PDZD7: variants seen among roughly 807,000 people sequenced by gnomAD.
PDZD7 encodes the protein PDZ domain-containing protein 7.
In PDZD7, 72 loss-of-function variants were observed where a neutral mutation model predicts 84.7. The observed-to-expected ratio is 0.85, with a 90% CI of 0.70 to 1.03. PDZD7 has a LOEUF of 1.03. Among genes scored for constraint, PDZD7 ranks in the 50% least tolerant of loss-of-function variants. The probability of loss-of-function intolerance (pLI) is 0.00; values close to 1 mark genes in which losing one functional copy is unlikely to be tolerated. For missense variants in PDZD7, 1,490 were observed against 1,412.9 expected (o/e 1.05, Z -0.87); for synonymous variants, 594 against 580.7 (o/e 1.02, Z -0.33).
At chr10:101,027,132 C>T (rs745947907) in intron 2 of PDZD7, among the ~76,000 whole-genome samples, 9 of 152,220 alleles carry the variant, frequency 5.9e-5, no homozygotes, top group Non-Finnish European at 1.0e-4. Flanking sequence ...TCAGCTTTTA[C>T]ATTAGCTCAT....
chr10:101,021,669 G>A lies in PDZD7; in HGVS notation c.867+129C>T, dbSNP rs12161714. 5.0e-6 allele frequency: 7 copies of A among 1,411,536 alleles called. No individual in the cohort carries two copies. In the South Asian group the frequency reaches 8.1e-5, roughly 16 times the overall value. 87.4% of individuals were successfully genotyped at this position (1,411,536 alleles called of 1,614,324 possible). A position where few individuals can be genotyped will look rare whatever the true frequency, so the allele number is the denominator to read the frequency against. ...TTCTTCTTCTTCAAAACAGGGATGA[G>A]AACAATGCCTGTCTACCTTCTAGTG... On this transcript the variant is annotated intron_variant, in intron 6 of 16. Transcript: ENST00000619208.
At position 101,010,481 on chromosome 10, in the gene PDZD7, G is replaced by A. The variant is rs895208304; in HGVS notation, c.2408C>T (p.Pro803Leu). The change falls in exon 15 of 17, where the codon CCT becomes CTT. Residue 803 changes from proline to leucine, a missense_variant. Physicochemically the swap from Pro to Leu is moderately conservative, Grantham distance 98 (BLOSUM62 -3). Transcript: ENST00000619208. ...GCGCCCATTGGTCATGCTGGGGGCA[G>A]GGGTAGGCACCGGGGATGGGGAGCG... Reference protein sequence around the residue: ...GRRSPSPVPTPAPSMTNGRYH... With the variant: ...GRRSPSPVPTLAPSMTNGRYH... The A allele has an allele frequency of 3.3e-6, 5 of 1,535,286 alleles. No homozygotes were observed. The highest frequency in any genetic ancestry group is 4.4e-6 in the Non-Finnish European group (5 of 1,146,354).
At chr10:101,028,368 A>G (rs1937843710) in intron 2 of PDZD7, among the ~76,000 whole-genome samples, 1 of 152,210 alleles carries the variant, frequency 6.6e-6, no homozygotes, top group East Asian at 1.9e-4. Flanking sequence ...CCGGAAGATC[A>G]CTTGAGCCTA....
rs1386918334 is a variant in PDZD7 at position 101,017,878 on chromosome 10, A to AG, written c.1522+220dup. 1,311 of 273,592 alleles carry AG rather than the reference A, an allele frequency of 4.8e-3. 30 individuals are homozygous for AG. The highest frequency in any genetic ancestry group is 0.018 in the African/African-American group (522 of 28,782). 16.9% of individuals were successfully genotyped at this position (273,592 alleles called of 1,614,324 possible). On this transcript the variant is annotated intron_variant, in intron 9 of 16. Coordinates refer to ENST00000619208, the MANE Select transcript of PDZD7 (RefSeq NM_001195263.2). Reference sequence around the variant, plus strand: ...AAGAAAGAAAGAAAGAAAGAAAGAAAGAAAGAAAGAAAGAAAAGAAAGAAA... The same window carrying AG: ...AAGAAAGAAAGAAAGAAAGAAAGAAAGGAAAGAAAGAAAGAAAAGAAAGAAA...
intron 7 of PDZD7, among the ~76,000 whole-genome samples, chr10:101,019,968 T>C (rs1205123960): frequency 3.3e-5 from 5 of 150,854 alleles, no homozygotes; most frequent in African/African-American, 1.2e-4. Context: ...TCACCCAGGC[T>C]GGAGTGCAGT....
In PDZD7 at chr10:101,008,750, C is replaced by T. The variant is rs556216049; in HGVS notation, c.2819G>A (p.Arg940Gln). The change falls in exon 17 of 17, where the codon CGG becomes CAG. Residue 940 changes from arginine (R) to glutamine (Q), a missense_variant. Physicochemically the swap from Arg to Gln is conservative, Grantham distance 43. Transcript: ENST00000619208. ...CCTGACCACAAGCTCCATGGGCTCC[C>T]GGGCCTTGTTTCGATAAGCCCGACG... ...TIRRAYRNKA[R>Q]EPMELVVRVP... 145 of 1,535,838 alleles carry T rather than the reference C, an allele frequency of 9.4e-5. No individual in the cohort carries two copies. In the African/African-American group the frequency reaches 1.3e-3, roughly 13 times the overall value.
At chr10:101,017,476 T>C in intron 9 of PDZD7, 1 of 587,468 alleles carries the variant, frequency 1.7e-6, no homozygotes, top group East Asian at 3.1e-5. Flanking sequence ...ATCTTGCTGC[T>C]TCAGCTTCCA....
intron 2 of PDZD7, among the ~76,000 whole-genome samples, chr10:101,029,727 C>A (rs141571542): frequency 9.2e-4 from 140 of 152,314 alleles, no homozygotes; most frequent in African/African-American, 3.1e-3. Context: ...GCTAGCATAC[C>A]ACACGCATGC....
At chr10:101,011,003 G>A in intron 14 of PDZD7, 120 bp from the exon 15 acceptor site, 1 of 1,498,454 alleles carries the variant, frequency 6.7e-7, no homozygotes, top group Non-Finnish European at 8.9e-7. Context: ...CCACTGCAGT[G>A]CGGCCCACCC....
chr10:101,010,821 C>T lies in PDZD7; in HGVS notation c.2068G>A (p.Glu690Lys), dbSNP rs758298619. 3 of 1,535,346 alleles carry T rather than the reference C, an allele frequency of 2.0e-6. No homozygotes were observed. In the South Asian group the frequency reaches 3.6e-5, roughly 18 times the overall value. Residue 690 changes from glutamate to lysine, a missense_variant, in exon 15 of 17, where the codon GAG (glutamate) becomes AAG (lysine). By Grantham distance (56) the Glu-to-Lys change is moderately conservative. Transcript: ENST00000619208. ...NGFPEEEDNG[E>K]LRERLGALKV... The stretch of plus-strand genomic sequence containing the variant: ...AGGGCCCCCAGCCGCTCCCTCAGCT[C>T]CCCATTATCTTCCTCTTCCGGGAAG...
At chr10:101,018,440 C>G in intron 8 of PDZD7, 144 bp from the exon 9 acceptor site, 1 of 876,586 alleles carries the variant, frequency 1.1e-6, no homozygotes, top group Admixed American at 2.3e-5. Flanking sequence ...AGTGCGGTTC[C>G]TCTTCCGACT....
chr10:101,016,267 G>T, intron 10 of PDZD7, 110 bp downstream of exon 10: 1 of 1,133,806 alleles, frequency 8.8e-7, no homozygotes, highest in Non-Finnish European at 1.3e-6. Context: ...GATCCCCCAT[G>T]CTTGACCCTG....
intron 2 of PDZD7, among the ~76,000 whole-genome samples, chr10:101,025,831 G>A (rs1375357418): frequency 6.6e-6 from 1 of 152,090 alleles, no homozygotes; most frequent in Admixed American, 6.5e-5. Flanking sequence ...ACAGGCGTGA[G>A]CCACCACACC....
Position 101,018,096 on chromosome 10 carries a change from T to A in PDZD7, c.1522+3A>T. The A allele has an allele frequency of 6.2e-7, 1 of 1,614,172 alleles. No homozygotes were observed. Among genetic ancestry groups the A allele is most frequent in the Non-Finnish European group, 8.5e-7 (1 of 1,180,016 alleles). ...CTTCCTGTTTGATCAGCCCACTACT[T>A]ACCTTTCTCTATGTCCAGGCGAGGG... On this transcript the variant is annotated splice_donor_region_variant and intron_variant, in intron 9 of 16. Transcript: ENST00000619208.
chr10:101,018,037 T>C, intron 9 of PDZD7, 62 bp downstream of exon 9: 4 of 1,607,664 alleles, frequency 2.5e-6, no homozygotes, highest in Non-Finnish European at 3.4e-6. Context: ...AACTCAGAAC[T>C]GCTGAATGCC....
intron 2 of PDZD7, among the ~76,000 whole-genome samples, chr10:101,028,143 G>T (rs1369942255): frequency 6.6e-6 from 1 of 152,126 alleles, no homozygotes; most frequent in Non-Finnish European, 1.5e-5. Flanking sequence ...GAGCTCAGAG[G>T]GTCCCAGTCC....
At chr10:101,026,523 G>A (rs1409904604) in intron 2 of PDZD7, among the ~76,000 whole-genome samples, 3 of 151,986 alleles carry the variant, frequency 2.0e-5, no homozygotes, top group African/African-American at 7.3e-5. Flanking sequence ...AAGAGCCAGG[G>A]AGGCTCAGCT....
In PDZD7 at chr10:101,030,350, G is replaced by T; in HGVS notation, c.-131C>A. On this transcript the variant is annotated 5_prime_UTR_variant, in exon 2 of 17. Transcript: ENST00000619208. The stretch of plus-strand genomic sequence containing the variant: ...GGGTCTCAGTAACGTGAAGGCCCTC[G>T]CTTGCGATGCCTCTCAGAAGTGTGA... 2.6e-6 allele frequency: 2 copies of T among 779,946 alleles called. No homozygotes were observed. The highest frequency in any genetic ancestry group is 4.4e-6 in the Non-Finnish European group (2 of 456,534). 48.3% of individuals were successfully genotyped at this position (779,946 alleles called of 1,614,324 possible). A position where few individuals can be genotyped will look rare whatever the true frequency, so the allele number is the denominator to read the frequency against.
At position 101,010,381 on chromosome 10, in the gene PDZD7, C is replaced by T. The variant is rs1219920630; in HGVS notation, c.2508G>A (p.Lys836=). 1.3e-6 allele frequency: 2 copies of T among 1,536,214 alleles called. No individual in the cohort carries two copies. Among genetic ancestry groups the T allele is most frequent in the East Asian group, 4.9e-5 (2 of 40,900 alleles). The change falls in exon 15 of 17, where the codon AAG becomes AAA. Residue 836 remains lysine (K), a synonymous_variant. Transcript: ENST00000619208. ...LDGEAAKVGA[K]QGPSESGTEG... ...CAGTTCCACTCTCCGAGGGCCCTTG[C>T]TTGGCCCCCACCTTGGCTGCCTCCC... is the stretch of plus-strand genomic sequence containing the variant.
Sources: allele counts gnomAD v4.1 joint callset (sites outside exome capture counted in the v4.1 genomes callset), GRCh38; gene constraint gnomAD v4.1.1; transcripts MANE v1.5; gene names NCBI Gene and HGNC (gene_info 2026-07-23, HGNC 2026-07-21).